The following MIAT variants were observed in gnomAD, a reference collection of about 807,000 sequenced individuals.
MIAT encodes the protein myocardial infarction associated transcript, also known as MI related novel mRNA.
In MIAT at chr22:26,676,465, A is replaced by G. The variant is rs541740430; in HGVS notation, n.10133A>G. The stretch of plus-strand genomic sequence containing the variant: ...AATGCCATTTTGCTATTAAAAATCA[A>G]TTCACGCTGGAAACATGACTGTGGC... On this transcript the variant is annotated non_coding_transcript_exon_variant, in exon 5 of 5. Transcript: ENST00000613780. 5 of 398,432 alleles carry G rather than the reference A, an allele frequency of 1.3e-5. No individual in the cohort carries two copies. In the Admixed American group the frequency reaches 1.3e-4, roughly 11 times the overall value. 24.7% of individuals were successfully genotyped at this position (398,432 alleles called of 1,614,324 possible). A position where few individuals can be genotyped will look rare whatever the true frequency, so the allele number is the denominator to read the frequency against.
chr22:26,676,370 A>G (rs965758246), exon 5 of MIAT: 4 of 398,538 alleles, frequency 1.0e-5, no homozygotes, highest in South Asian at 1.3e-4. Flanking sequence ...TCAGATTTTT[A>G]CATGGATTCA....
At chr22:26,667,122 G>A in intron 4 of MIAT, 1 of 397,888 alleles carries the variant, frequency 2.5e-6, no homozygotes. Flanking sequence ...GGGGTGGGTG[G>A]GATGGAATCA....
At chr22:26,672,016 C>G (rs1962097247), downstream of MIAT, 1 of 399,040 alleles carries the variant, frequency 2.5e-6, no homozygotes, top group Non-Finnish European at 4.4e-6. Flanking sequence ...TTTCTGTAGG[C>G]AGCTCTTTTG....
At chr22:26,660,750 T>C (rs1408406794) in intron 2 of MIAT, 1 of 152,232 alleles carries the variant, frequency 6.6e-6, no homozygotes. Context: ...GATTACACTC[T>C]TTGAATTTAC....
chr22:26,670,056 A>ATTTTT (rs35523695), downstream of MIAT: 2,422 of 385,518 alleles, frequency 6.3e-3, 18 homozygotes, highest in South Asian at 0.013. Flanking sequence ...GGGTTTATCT[A>ATTTTT]TTTTTTTTTT....
At chr22:26,668,226 G>C in exon 6 of MIAT, 1 of 398,650 alleles carries the variant, frequency 2.5e-6, no homozygotes, top group Non-Finnish European at 4.4e-6. Flanking sequence ...GGGTGACCTT[G>C]GATTCTGGCC....
At chr22:26,673,477 G>A (rs1376654813), downstream of MIAT, 3 of 398,666 alleles carry the variant, frequency 7.5e-6, no homozygotes, top group Admixed American at 4.4e-5. Flanking sequence ...GCCCTGACCG[G>A]TTCTTAATTA....
intron 2 of MIAT, chr22:26,657,507 G>C: frequency 2.5e-6 from 1 of 398,686 alleles, no homozygotes; most frequent in Non-Finnish European, 4.4e-6. Flanking sequence ...CGCCGGCTGC[G>C]CTCGCGGGAC....
exon 5 of MIAT, chr22:26,676,017 A>G (rs1463503437): frequency 5.0e-6 from 2 of 398,576 alleles, no homozygotes; most frequent in African/African-American, 4.1e-5. Context: ...CCCCTCCCTC[A>G]TTCAGTCTGC....
intron 2 of MIAT, among the ~76,000 whole-genome samples, chr22:26,660,431 G>A (rs992518302): frequency 6.5e-5 from 9 of 138,276 alleles, no homozygotes; most frequent in Non-Finnish European, 9.0e-5. Context: ...TTACACCACC[G>A]TACTCTAGCC....
intron 3 of MIAT, among the ~76,000 whole-genome samples, chr22:26,664,122 C>G (rs1930766873): frequency 1.3e-5 from 2 of 151,780 alleles, no homozygotes; most frequent in South Asian, 4.2e-4. Context: ...AGTGATTCTC[C>G]TGCCTCAGTC....
chr22:26,663,768 A>G (rs73163287), intron 3 of MIAT, among the ~76,000 whole-genome samples: 10,640 of 152,168 alleles, frequency 0.07, 442 homozygotes, highest in South Asian at 0.1. Flanking sequence ...CACCCGTTTA[A>G]AGCACACATT....
At chr22:26,660,700 TC>T (rs1930633297) in intron 2 of MIAT, 1 of 152,158 alleles carries the variant, frequency 6.6e-6, no homozygotes, top group Non-Finnish European at 1.5e-5. Context: ...CATTTTAAGG[TC>T]CTTTCTCTGG....
chr22:26,648,577 A>G (rs1166643919), intron 2 of MIAT, among the ~76,000 whole-genome samples: 1 of 144,106 alleles, frequency 6.9e-6, no homozygotes, highest in Non-Finnish European at 1.5e-5. Flanking sequence ...TTTTTGTCTT[A>G]ATGGAAAATG....
intron 2 of MIAT, among the ~76,000 whole-genome samples, chr22:26,648,357 C>T (rs899298240): frequency 6.6e-6 from 1 of 152,140 alleles, no homozygotes; most frequent in Non-Finnish European, 1.5e-5. Flanking sequence ...CGGCCCTGCA[C>T]GCACGTAGGC....
At chr22:26,665,556 G>C (rs1261913425) in exon 4 of MIAT, 1 of 398,756 alleles carries the variant, frequency 2.5e-6, no homozygotes, top group Admixed American at 4.4e-5. Flanking sequence ...TGGGACAGAG[G>C]AGACAGAAGG....
intron 2 of MIAT, among the ~76,000 whole-genome samples, chr22:26,649,026 G>A (rs1459741355): frequency 6.6e-6 from 1 of 151,974 alleles, no homozygotes; most frequent in Non-Finnish European, 1.5e-5. Context: ...ATATTCACAG[G>A]AAGGAGGAAA....
intron 2 of MIAT, among the ~76,000 whole-genome samples, chr22:26,655,813 C>T (rs893806824): frequency 2.6e-5 from 4 of 152,122 alleles, no homozygotes; most frequent in Admixed American, 2.6e-4. Flanking sequence ...CTCACTGCAG[C>T]TGGGACTACA....
downstream of MIAT, chr22:26,670,570 T>G (rs1931006890): frequency 2.7e-6 from 1 of 371,320 alleles, no homozygotes; most frequent in Non-Finnish European, 4.6e-6. Context: ...GGGAAATTCT[T>G]AAAGTAACTT....
Sources: gnomAD v4.1 joint callset for allele counts (sites outside exome capture counted in the v4.1 genomes callset) on GRCh38, gnomAD v4.1.1 for gene constraint, MANE v1.5 for transcripts, NCBI Gene and HGNC (gene_info 2026-07-23, HGNC 2026-07-21) for gene names.